ESYT1: variants seen among roughly 807,000 people sequenced by gnomAD.
ESYT1 encodes extended synaptotagmin-1.
ESYT1 carries 116 observed loss-of-function variants against 154.2 expected under a neutral mutation model. That is an observed-to-expected ratio of 0.75 (90% CI 0.65 to 0.88). The LOEUF is 0.88. Ranked by LOEUF, ESYT1 falls within the 40% of genes least tolerant of loss-of-function variation. The pLI is 0.00. For synonymous variants in ESYT1, 500 were observed against 539.9 expected, an observed-to-expected ratio of 0.93 and a Z score of 1.02; for missense variants, 1,264 against 1,379.3, an observed-to-expected ratio of 0.92 and a Z score of 1.32.
rs1184375290 is a variant in ESYT1, at chr12:56,134,343, C to A, written c.1547C>A (p.Ala516Asp). 1.9e-6 allele frequency: 3 copies of A among 1,614,062 alleles called. No homozygotes were observed. In the Admixed American group the frequency reaches 5.0e-5, roughly 27 times the overall value. The change falls in exon 15 of 31, where the codon GCT (alanine) becomes GAT (aspartate). Residue 516 changes from alanine to aspartate, a missense_variant and splice_region_variant. By Grantham distance (126) the Ala-to-Asp change is moderately radical. Transcript: ENST00000394048. ...TTAATCCCTCCTCTACATCTCCAGGCTGTCTACAGTACCAACTGCCCAGTG... is the reference window on the plus strand; with the variant it reads ...TTAATCCCTCCTCTACATCTCCAGGATGTCTACAGTACCAACTGCCCAGTG... ...SIQDVTQESKAVYSTNCPVWE... is the reference protein window; with the variant it reads ...SIQDVTQESKDVYSTNCPVWE...
At position 56,144,118 on chromosome 12, in the gene ESYT1, A is replaced by G. The variant is rs747548864; in HGVS notation, c.*256A>G. ...TGGCTGTTTCCTGCTTTGCCTGCAC[A>G]TTGTTCTCCCTTCCTCCCAACTCCT... On this transcript the variant is annotated 3_prime_UTR_variant, in exon 31 of 31. Transcript: ENST00000394048. 1.7e-5 allele frequency: 24 copies of G among 1,406,174 alleles called. No individual in the cohort carries two copies. Among genetic ancestry groups the G allele is most frequent in the East Asian group, 2.6e-5 (1 of 38,236 alleles). 87.1% of individuals were successfully genotyped at this position (1,406,174 alleles called of 1,614,324 possible).
chr12:56,136,970 C>T, intron 16 of ESYT1, 77 bp downstream of exon 16: 2 of 1,489,380 alleles, frequency 1.3e-6, no homozygotes, highest in Admixed American at 2.2e-5. Flanking sequence ...AGGAAAGGGA[C>T]CCCCCTAAGA....
chr12:56,138,714 GGGA>G (rs1329579320), intron 22 of ESYT1, 51 bp from the exon 23 acceptor site: 2 of 1,525,392 alleles, frequency 1.3e-6, no homozygotes, highest in Admixed American at 1.7e-5. Flanking sequence ...ATTTGTGAGG[GGGA>G]TCTGCCTAAC....
chr12:56,143,828 A>T lies in ESYT1; in HGVS notation c.3281A>T (p.Asp1094Val). Residue 1094 changes from aspartate (D) to valine (V), a missense_variant, in exon 31 of 31, where the codon GAC (aspartate) becomes GTC (valine). Coordinates refer to ENST00000394048, the MANE Select transcript of ESYT1 (RefSeq NM_015292.3). The part of the protein sequence containing the change: ...DLSQGVARWY[D>V]LMDNKDKGSS ...CATGAGCCCTCTTTTCACAGGTATG[A>T]CCTGATGGACAACAAGGACAAGGGC... The T allele has an allele frequency of 6.2e-7, 1 of 1,614,080 alleles. No homozygotes were observed. The highest frequency in any genetic ancestry group is 8.5e-7 in the Non-Finnish European group (1 of 1,179,964).
At chr12:56,135,570 C>T (rs889009773) in intron 15 of ESYT1, among the ~76,000 whole-genome samples, 7 of 151,890 alleles carry the variant, frequency 4.6e-5, no homozygotes, top group Non-Finnish European at 8.8e-5. Context: ...ACAAGACATA[C>T]ACATATAAAA....
chr12:56,136,812 C>T lies in ESYT1; in HGVS notation c.1701C>T (p.Ala567=). 1 of 1,613,424 alleles carries T rather than the reference C, an allele frequency of 6.2e-7. No homozygotes were observed. Among genetic ancestry groups the T allele is most frequent in the African/African-American group, 1.3e-5 (1 of 74,986 alleles). The change falls in exon 16 of 31, where the codon GCC becomes GCT. Residue 567 remains alanine, a synonymous_variant. Transcript: ENST00000394048. ...LTLPLARLLT[A]PELILDQWFQ... is the part of the protein sequence containing the mutation. ...TGCCTCTGGCCCGCCTGCTGACTGC[C>T]CCAGAACTCATCCTGGACCAGTGGT...
In ESYT1 at chr12:56,137,225, A is replaced by G. The variant is rs777207478; in HGVS notation, c.1790A>G (p.Tyr597Cys). The G allele has an allele frequency of 1.9e-6, 3 of 1,613,958 alleles. No individual in the cohort carries two copies. Among genetic ancestry groups the G allele is most frequent in the African/African-American group, 2.7e-5 (2 of 74,872 alleles). Residue 597 changes from tyrosine to cysteine, a missense_variant, in exon 17 of 31, where the codon TAC becomes TGC. Coordinates refer to ENST00000394048, the MANE Select transcript of ESYT1 (RefSeq NM_015292.3). Reference sequence around the variant, plus strand: ...TCATACTACCCTTCCTAGATCCTGTACTTGGATTCATCAGAAATATGCTTC... The same window carrying G: ...TCATACTACCCTTCCTAGATCCTGTGCTTGGATTCATCAGAAATATGCTTC... ...LYMKLVMRIL[Y>C]LDSSEICFPT... is the part of the protein sequence containing the mutation.
chr12:56,141,189 T>A (rs1366161695), intron 24 of ESYT1, among the ~76,000 whole-genome samples: 1 of 152,180 alleles, frequency 6.6e-6, no homozygotes, highest in Non-Finnish European at 1.5e-5. Context: ...CGGCTGAAAT[T>A]AATAGAATTT....
Position 56,143,494 on chromosome 12 carries a change from A to T in ESYT1, c.3226-86A>T, listed in dbSNP as rs1870799923. 19 of 1,577,704 alleles carry T rather than the reference A, an allele frequency of 1.2e-5. No individual in the cohort carries two copies. In the South Asian group the frequency reaches 2.1e-4, roughly 18 times the overall value. On this transcript the variant is annotated intron_variant, in intron 29 of 30. Coordinates refer to ENST00000394048, the MANE Select transcript of ESYT1 (RefSeq NM_015292.3). ...TGTGATGAAGGAACATGGTCTTTGG[A>T]GATTTCAAAACAGCATCATCAGAAT...
chr12:56,128,889 C>T, intron 1 of ESYT1, 180 bp downstream of exon 1: 4 of 677,166 alleles, frequency 5.9e-6, no homozygotes, highest in Non-Finnish European at 7.4e-6. Context: ...ACCGACTGCT[C>T]ACTCTCCCCA....
rs182989531 is a variant in ESYT1, at chr12:56,138,555, C to T, written c.2433+56C>T. On this transcript the variant is annotated intron_variant, in intron 22 of 30. Transcript: ENST00000394048. The stretch of plus-strand genomic sequence containing the variant: ...TCCTGGCCCTTCTTCCACCTTCCTC[C>T]GGTTTGGATGGTCCTGGAGTATTTA... 1.4e-4 allele frequency: 204 copies of T among 1,486,642 alleles called. No individual in the cohort carries two copies. In the East Asian group the frequency reaches 3.5e-3, roughly 25 times the overall value. The allele number at this position is 1,486,642 out of a possible 1,614,324, so 92.1% of individuals were successfully genotyped here. A position where few individuals can be genotyped will look rare whatever the true frequency, so the allele number is the denominator to read the frequency against.
Position 56,133,450 on chromosome 12 carries a change from T to A in ESYT1, c.1278T>A (p.Ala426=). The A allele has an allele frequency of 6.2e-7, 1 of 1,614,178 alleles. No individual in the cohort carries two copies. The highest frequency in any genetic ancestry group is 8.5e-7 in the Non-Finnish European group (1 of 1,180,034). The part of the protein sequence containing the change: ...MKLDVGKVLQ[A]SVLDDWFPLQ... ...TGGATGTAGGGAAGGTGTTACAGGC[T>A]AGCGTTCTGGATGATGTAAGTTGGG... Residue 426 remains alanine (A), a synonymous_variant, in exon 11 of 31, where the codon GCT becomes GCA. Transcript: ENST00000394048.
chr12:56,130,507 A>T, intron 1 of ESYT1, 75 bp from the exon 2 acceptor site: 1 of 1,581,138 alleles, frequency 6.3e-7, no homozygotes, highest in African/African-American at 1.3e-5. Context: ...TCTGTGGCAC[A>T]CCACCAGCAT....
At chr12:56,136,659 G>T in intron 15 of ESYT1, 85 bp from the exon 16 acceptor site, 3 of 1,157,566 alleles carry the variant, frequency 2.6e-6, no homozygotes, top group Non-Finnish European at 3.6e-6. Context: ...AGAGAGGAAT[G>T]AAGTTGGAGC....
At position 56,131,249 on chromosome 12, in the gene ESYT1, T is replaced by G. The variant is rs138764704; in HGVS notation, c.647T>G (p.Val216Gly). The change falls in exon 5 of 31, where the codon GTA becomes GGA. Residue 216 changes from valine to glycine, a missense_variant. Coordinates refer to ENST00000394048, the MANE Select transcript of ESYT1 (RefSeq NM_015292.3). The stretch of plus-strand genomic sequence containing the variant: ...TCTTCTTCACCAATCCCCAGCTATG[T>G]AGGTGATGTGCAGATTGATGTGGAA... ...QILLDLNISY[V>G]GDVQIDVEVK... The G allele has an allele frequency of 6.2e-7, 1 of 1,614,002 alleles. No homozygotes were observed. The highest frequency in any genetic ancestry group is 1.3e-5 in the African/African-American group (1 of 74,888).
In ESYT1 at chr12:56,133,870, T is replaced by G; in HGVS notation, c.1470T>G (p.Leu490=). Residue 490 remains leucine, a synonymous_variant, in exon 13 of 31, where the codon CTT becomes CTG. Coordinates refer to ENST00000394048, the MANE Select transcript of ESYT1 (RefSeq NM_015292.3). ...TCTACCTGGATCGGGCCCAGGATCT[T>G]CCTGTGAGTTTGGCTGGGTGAACAG... ...LVVYLDRAQD[L]PLKKGNKEPN... is the part of the protein sequence containing the mutation. The G allele has an allele frequency of 3.1e-6, 5 of 1,613,998 alleles. No homozygotes were observed. The highest frequency in any genetic ancestry group is 3.3e-4 in the Middle Eastern group (2 of 6,032).
At position 56,143,162 on chromosome 12, in the gene ESYT1, C is replaced by T; in HGVS notation, c.3119+14C>T. On this transcript the variant is annotated intron_variant, in intron 28 of 30. Transcript: ENST00000394048. The stretch of plus-strand genomic sequence containing the variant: ...ATTTAATGAACGGTCAGTCAGTGGG[C>T]ATTCAGGTGGAGAGATGGCAGGCTT... The T allele has an allele frequency of 6.2e-7, 1 of 1,614,146 alleles. No homozygotes were observed. Among genetic ancestry groups the T allele is most frequent in the Non-Finnish European group, 8.5e-7 (1 of 1,180,034 alleles).
intron 1 of ESYT1, chr12:56,129,760 T>C (rs989783985): frequency 9.2e-5 from 14 of 151,844 alleles, no homozygotes; most frequent in African/African-American, 3.4e-4. Flanking sequence ...CAGAGAAAGA[T>C]AGAGGAAAAC....
Position 56,133,654 on chromosome 12 carries a change from G to C in ESYT1, c.1360G>C (p.Asp454His). 1 of 1,614,250 alleles carries C rather than the reference G, an allele frequency of 6.2e-7. No individual in the cohort carries two copies. Among genetic ancestry groups the C allele is most frequent in the South Asian group, 1.1e-5 (1 of 91,086 alleles). ...LRLEWLSLLS[D>H]AEKLEQVLQW... Reference sequence around the variant, plus strand: ...GCTAGAATGGCTGTCACTTTTGTCAGATGCAGAGAAACTGGAGCAGGTAAG... The same window carrying C: ...GCTAGAATGGCTGTCACTTTTGTCACATGCAGAGAAACTGGAGCAGGTAAG... The change falls in exon 12 of 31, where the codon GAT becomes CAT. Residue 454 changes from aspartate (D) to histidine (H), a missense_variant. By Grantham distance (81) the Asp-to-His change is moderately conservative. Transcript: ENST00000394048.
Sources: gnomAD v4.1 joint callset for allele counts (sites outside exome capture counted in the v4.1 genomes callset) on GRCh38, gnomAD v4.1.1 for gene constraint, MANE v1.5 for transcripts, NCBI Gene and HGNC (gene_info 2026-07-23, HGNC 2026-07-21) for gene names.